The following ANK3 variants were observed in gnomAD, a reference collection of about 807,000 sequenced individuals.
The protein encoded by ANK3 is ankyrin 3, also known as ankyrin-3.
Under a neutral mutation model 370.9 loss-of-function variants are expected in ANK3, and 57 were observed. The ratio of observed to expected loss-of-function variants is 0.15; its 90% CI spans 0.12 to 0.19. ANK3 has a LOEUF of 0.19. Ranked by LOEUF, ANK3 falls within the 10% of genes least tolerant of loss-of-function variation. The pLI, the probability that ANK3 is intolerant of heterozygous loss-of-function variation, is 1.00. For missense variants in ANK3, 4,439 were observed against 5,302.1 expected (o/e 0.84, Z 5.06); for synonymous variants, 1,929 against 1,946.3 (o/e 0.99, Z 0.23).
intron 2 of ANK3, among the ~76,000 whole-genome samples, chr10:60,613,805 G>A (rs1036595399): frequency 6.6e-6 from 1 of 152,154 alleles, no homozygotes; most frequent in Non-Finnish European, 1.5e-5. Context: ...CGGGTACCAT[G>A]GCTCACGCCT....
At chr10:60,524,183 G>T (rs1236422862) in intron 2 of ANK3, among the ~76,000 whole-genome samples, 4 of 152,022 alleles carry the variant, frequency 2.6e-5, no homozygotes, top group Non-Finnish European at 5.9e-5. Context: ...GAATCTCCTG[G>T]ACTAAATCAA....
chr10:60,682,216 A>AGTC (rs1452037596), intron 1 of ANK3, among the ~76,000 whole-genome samples: 67 of 152,166 alleles, frequency 4.4e-4, no homozygotes, highest in African/African-American at 1.5e-3. Context: ...GACAGCTTAA[A>AGTC]TAACTTGTCC....
At chr10:60,619,802 C>A (rs1356462873) in intron 1 of ANK3, among the ~76,000 whole-genome samples, 1 of 152,172 alleles carries the variant, frequency 6.6e-6, no homozygotes. Flanking sequence ...TCCTGTTTGC[C>A]GAAACTGATG....
chr10:60,681,785 C>T (rs954271353), intron 1 of ANK3, among the ~76,000 whole-genome samples: 2 of 152,164 alleles, frequency 1.3e-5, no homozygotes, highest in Non-Finnish European at 2.9e-5. Flanking sequence ...ACTGAGTATA[C>T]ATATATTAAG....
At chr10:60,042,488 G>A (rs1198078495) in intron 43 of ANK3, among the ~76,000 whole-genome samples, 184 bp downstream of exon 43, 1 of 152,166 alleles carries the variant, frequency 6.6e-6, no homozygotes. Flanking sequence ...TGAAACCGAA[G>A]TCAAGTTTCA....
At chr10:60,063,874 G>C (rs575258259) in intron 39 of ANK3, among the ~76,000 whole-genome samples, 1 of 152,286 alleles carries the variant, frequency 6.6e-6, no homozygotes, top group African/African-American at 2.4e-5. Context: ...CTAAAATTAT[G>C]TTTTCAGTTT....
chr10:60,381,567 C>T (rs2061550737), intron 1 of ANK3, among the ~76,000 whole-genome samples: 1 of 152,104 alleles, frequency 6.6e-6, no homozygotes, highest in Non-Finnish European at 1.5e-5. Context: ...ATTTCGAGTG[C>T]TTATAAGGTG....
chr10:60,119,629 G>C (rs955676075), intron 25 of ANK3, among the ~76,000 whole-genome samples: 6 of 152,098 alleles, frequency 3.9e-5, no homozygotes, highest in Admixed American at 3.3e-4. Flanking sequence ...AAAACTAGAC[G>C]GGTGTGGTGG....
intron 1 of ANK3, among the ~76,000 whole-genome samples, chr10:60,312,676 C>T (rs890378913): frequency 3.3e-5 from 5 of 152,172 alleles, no homozygotes; most frequent in African/African-American, 7.2e-5. Context: ...TAACAGGTTT[C>T]GCATCTCCCT....
intron 1 of ANK3, among the ~76,000 whole-genome samples, chr10:60,330,256 C>T (rs1003403353): frequency 1.2e-4 from 19 of 152,054 alleles, no homozygotes; most frequent in Admixed American, 5.2e-4. Context: ...ACACCAAAAG[C>T]AATGCAAAAG....
In ANK3 at chr10:60,139,095, T is replaced by A. The variant is rs1451002720; in HGVS notation, c.2615-8A>T. On this transcript the variant is annotated splice_polypyrimidine_tract_variant and splice_region_variant and intron_variant, in intron 23 of 43. Transcript: ENST00000280772. The stretch of plus-strand genomic sequence containing the variant: ...CGGTCATTGCATCTTCACCTGCAGA[T>A]GTAGAGAGTAAGCCCACATCAAAAG... 1.2e-6 allele frequency: 2 copies of A among 1,612,984 alleles called. No homozygotes were observed.
intron 1 of ANK3, among the ~76,000 whole-genome samples, chr10:60,709,819 C>T (rs558168333): frequency 1.3e-5 from 2 of 148,816 alleles, no homozygotes; most frequent in East Asian, 2.0e-4. Flanking sequence ...CAGAGTGAGA[C>T]CCCATCTCAA....
chr10:60,638,715 C>A (rs913865322), intron 1 of ANK3, among the ~76,000 whole-genome samples: 1 of 151,930 alleles, frequency 6.6e-6, no homozygotes, highest in South Asian at 2.1e-4. Context: ...ATTTCTAGAA[C>A]TGAAAATATG....
At chr10:60,519,855 T>C (rs1421689143) in intron 2 of ANK3, among the ~76,000 whole-genome samples, 1 of 152,118 alleles carries the variant, frequency 6.6e-6, no homozygotes, top group East Asian at 1.9e-4. Context: ...TCAGAGATGA[T>C]GGTTTGTATA....
At chr10:60,361,244 T>G (rs1199231528) in intron 1 of ANK3, among the ~76,000 whole-genome samples, 1 of 152,216 alleles carries the variant, frequency 6.6e-6, no homozygotes, top group Admixed American at 6.5e-5. Flanking sequence ...ATTTTCCACT[T>G]GAGTTATCGG....
At chr10:60,149,288 C>T (rs2094976703) in intron 23 of ANK3, among the ~76,000 whole-genome samples, 2 of 152,154 alleles carry the variant, frequency 1.3e-5, no homozygotes, top group African/African-American at 2.4e-5. Context: ...TGTGCACCAC[C>T]TTGTCTTCCC....
chr10:60,557,136 C>T (rs908210147), intron 2 of ANK3, among the ~76,000 whole-genome samples: 2 of 152,160 alleles, frequency 1.3e-5, no homozygotes, highest in African/African-American at 4.8e-5. Flanking sequence ...ATTGATTCCA[C>T]TCCTAGGTAT....
chr10:60,355,032 CA>C (rs2057506122), intron 1 of ANK3, among the ~76,000 whole-genome samples: 1 of 151,982 alleles, frequency 6.6e-6, no homozygotes, highest in South Asian at 2.1e-4. Context: ...TTTATTTTAT[CA>C]AGACTATTTA....
chr10:60,537,837 C>T (rs1431735825), intron 2 of ANK3, among the ~76,000 whole-genome samples: 1 of 151,830 alleles, frequency 6.6e-6, no homozygotes, highest in Non-Finnish European at 1.5e-5. Context: ...TCTTAAACCA[C>T]ACAACATAAT....
Sources: allele counts gnomAD v4.1 joint callset (sites outside exome capture counted in the v4.1 genomes callset), GRCh38; gene constraint gnomAD v4.1.1; transcripts MANE v1.5; gene names NCBI Gene and HGNC (gene_info 2026-07-23, HGNC 2026-07-21).